The following ACTN1 variants were observed in gnomAD, a reference collection of about 807,000 sequenced individuals.
ACTN1 encodes the protein actinin alpha 1.
ACTN1 carries 30 observed loss-of-function variants against 119.6 expected under a neutral mutation model. The ratio of observed to expected loss-of-function variants is 0.25; its 90% CI spans 0.19 to 0.34. ACTN1 has a LOEUF of 0.34. Among genes scored for constraint, ACTN1 ranks in the 10% least tolerant of loss-of-function variants. ACTN1 has a pLI of 1.00. For missense variants in ACTN1, 764 were observed against 1,223.4 expected (o/e 0.62, Z 5.60); for synonymous variants, 429 against 472.6 (o/e 0.91, Z 1.20).
At chr14:68,889,099 G>A (rs1187108062) in intron 11 of ACTN1, among the ~76,000 whole-genome samples, 1 of 152,210 alleles carries the variant, frequency 6.6e-6, no homozygotes, top group Admixed American at 6.5e-5. Context: ...TGGCCGGAGG[G>A]GCCCCAGCAG....
intron 11 of ACTN1, among the ~76,000 whole-genome samples, chr14:68,889,898 C>T (rs973182591): frequency 2.1e-4 from 32 of 152,244 alleles, no homozygotes; most frequent in Admixed American, 3.9e-4. Flanking sequence ...CTCAGAACTT[C>T]GTTATGTATT....
At chr14:68,912,724 G>A (rs938394770) in intron 3 of ACTN1, among the ~76,000 whole-genome samples, 14 of 152,164 alleles carry the variant, frequency 9.2e-5, no homozygotes, top group African/African-American at 2.9e-4. Context: ...GGTGCTGGAA[G>A]AGAAGTCTAT....
At chr14:68,920,122 C>T (rs993873824) in intron 3 of ACTN1, among the ~76,000 whole-genome samples, 2 of 152,186 alleles carry the variant, frequency 1.3e-5, no homozygotes, top group African/African-American at 4.8e-5. Flanking sequence ...TTACTGATGG[C>T]GGAACCTTGA....
chr14:68,944,748 T>C (rs549290585), intron 1 of ACTN1, among the ~76,000 whole-genome samples: 1 of 151,912 alleles, frequency 6.6e-6, no homozygotes, highest in Non-Finnish European at 1.5e-5. Context: ...GAAAAGTTCG[T>C]AAATGTGAAG....
Position 68,905,891 on chromosome 14 carries a change from G to A in ACTN1, c.595-1155C>T, listed in dbSNP as rs551625741. On this transcript the variant is annotated intron_variant, in intron 6 of 21. Transcript: ENST00000394419. Reference sequence around the variant, plus strand: ...CCAGCTACTCGGGAGGCTGGGACAGGAGAATTGCTTGAACCCGGGAGGCAG... The same window carrying A: ...CCAGCTACTCGGGAGGCTGGGACAGAAGAATTGCTTGAACCCGGGAGGCAG... Among the ~76,000 whole-genome samples, 5 of 151,712 alleles carry A rather than the reference G, an allele frequency of 3.3e-5. No individual in the cohort carries two copies. In the South Asian group the frequency reaches 1.0e-3, roughly 32 times the overall value.
chr14:68,892,840 G>T (rs934020426), intron 9 of ACTN1, among the ~76,000 whole-genome samples: 6 of 152,128 alleles, frequency 3.9e-5, no homozygotes, highest in Admixed American at 3.3e-4. Context: ...AGAAGGTGGA[G>T]GGGTGCACAT....
At chr14:68,945,174 AAAAGAAAGAAAG>A (rs113626109) in intron 1 of ACTN1, among the ~76,000 whole-genome samples, 1 of 150,664 alleles carries the variant, frequency 6.6e-6, no homozygotes, top group Non-Finnish European at 1.5e-5. Context: ...AAAAAAAAAA[AAAAGAAAGAAAG>A]AAAGAAAGAA....
intron 9 of ACTN1, among the ~76,000 whole-genome samples, chr14:68,893,045 G>C (rs1287041464): frequency 2.0e-5 from 3 of 152,126 alleles, no homozygotes; most frequent in African/African-American, 7.2e-5. Context: ...TTAAACCCAG[G>C]CACTTGGGCT....
chr14:68,930,615 T>C (rs74337837), intron 1 of ACTN1, among the ~76,000 whole-genome samples: 2 of 152,178 alleles, frequency 1.3e-5, no homozygotes, highest in African/African-American at 4.8e-5. Flanking sequence ...TCCATGGGAA[T>C]GCAAGGATTT....
At chr14:68,945,196 AAAG>A (rs1336296601) in intron 1 of ACTN1, among the ~76,000 whole-genome samples, 5 of 151,840 alleles carry the variant, frequency 3.3e-5, no homozygotes, top group South Asian at 4.2e-4. Context: ...GAAAGAAAGA[AAAG>A]AAGAAGAAGA....
At chr14:68,928,796 C>A (rs930181264) in intron 1 of ACTN1, among the ~76,000 whole-genome samples, 1 of 152,164 alleles carries the variant, frequency 6.6e-6, no homozygotes, top group African/African-American at 2.4e-5. Flanking sequence ...GCACTCCCAC[C>A]CCACATCCTC....
intron 11 of ACTN1, among the ~76,000 whole-genome samples, chr14:68,889,094 G>A (rs202245007): frequency 7.2e-5 from 11 of 152,314 alleles, no homozygotes; most frequent in South Asian, 4.1e-4. Flanking sequence ...TGAAATGGCC[G>A]GAGGGGCCCC....
intron 1 of ACTN1, chr14:68,936,554 G>A (rs772000180): frequency 3.1e-4 from 142 of 455,458 alleles, no homozygotes; most frequent in Non-Finnish European, 4.7e-4. Context: ...AGGGGGTGGC[G>A]GGAGGAACTG....
chr14:68,887,916 C>T (rs1364244965), intron 11 of ACTN1: 3 of 895,376 alleles, frequency 3.4e-6, no homozygotes, highest in Non-Finnish European at 5.6e-6. Flanking sequence ...CCCTTTGCTC[C>T]CTTTTTCCCT....
chr14:68,914,109 T>C (rs922383298), intron 3 of ACTN1, among the ~76,000 whole-genome samples: 2 of 152,074 alleles, frequency 1.3e-5, no homozygotes, highest in African/African-American at 4.8e-5. Context: ...TCCCAGCTAC[T>C]CAGGCTTAAG....
At chr14:68,902,897 A>G (rs1249681024) in intron 7 of ACTN1, among the ~76,000 whole-genome samples, 1 of 152,192 alleles carries the variant, frequency 6.6e-6, no homozygotes, top group Non-Finnish European at 1.5e-5. Flanking sequence ...ACACAACCGA[A>G]TGCCAGTATG....
At chr14:68,896,713 G>C (rs927813720) in intron 8 of ACTN1, among the ~76,000 whole-genome samples, 3 of 152,156 alleles carry the variant, frequency 2.0e-5, no homozygotes, top group Non-Finnish European at 4.4e-5. Flanking sequence ...GAGAACCCCG[G>C]GAGAGACCTG....
At position 68,935,020 on chromosome 14, in the gene ACTN1, C is replaced by T. The variant is rs550319281; in HGVS notation, c.106-9348G>A. ...GTCTGTAAATGTGGTTGGTTGTGGG[C>T]TTTGTTTTTGTTTTTTTTTAAGATG... is the stretch of plus-strand genomic sequence containing the variant. On this transcript the variant is annotated intron_variant, in intron 1 of 21. Transcript: ENST00000394419. 9.9e-5 allele frequency among the ~76,000 whole-genome samples: 15 copies of T among 152,116 alleles called. No individual in the cohort carries two copies. In the South Asian group the frequency reaches 1.2e-3, roughly 13 times the overall value.
At position 68,978,976 on chromosome 14, in the gene ACTN1, C is replaced by G. The variant is rs745806229; in HGVS notation, c.81G>C (p.Pro27=). 3.7e-6 allele frequency: 6 copies of G among 1,600,192 alleles called. No individual in the cohort carries two copies. Among genetic ancestry groups the G allele is most frequent in the Non-Finnish European group, 5.1e-6 (6 of 1,173,202 alleles). The change falls in exon 1 of 22, where the codon CCG becomes CCC. Residue 27 remains proline, a synonymous_variant. Transcript: ENST00000394419. ...EDWDRDLLLD[P]AWEKQQRKTF... ...CCTTTCTCTGCTGCTTCTCCCAGGCCGGGTCCAGGAGCAGGTCCCGGTCCC... is the reference window on the plus strand; with the variant it reads ...CCTTTCTCTGCTGCTTCTCCCAGGCGGGGTCCAGGAGCAGGTCCCGGTCCC...
Sources: gnomAD v4.1 joint callset for allele counts (sites outside exome capture counted in the v4.1 genomes callset) on GRCh38, gnomAD v4.1.1 for gene constraint, MANE v1.5 for transcripts, NCBI Gene and HGNC (gene_info 2026-07-23, HGNC 2026-07-21) for gene names.